The following ARID3A variants were observed in gnomAD, a reference collection of about 807,000 sequenced individuals.
ARID3A encodes the protein AT-rich interactive domain-containing protein 3A.
Under a neutral mutation model 52.7 loss-of-function variants are expected in ARID3A, and 11 were observed. The observed-to-expected ratio is 0.21, with a 90% CI of 0.13 to 0.35. The LOEUF is 0.35. ARID3A is among the 10% of genes least tolerant of loss of function. The probability of loss-of-function intolerance (pLI) is 1.00; values close to 1 mark genes in which losing one functional copy is unlikely to be tolerated. For missense variants in ARID3A, 721 were observed against 838.5 expected, an observed-to-expected ratio of 0.86 and a Z score of 1.73; for synonymous variants, 404 against 359.4, an observed-to-expected ratio of 1.12 and a Z score of -1.40.
intron 3 of ARID3A, among the ~76,000 whole-genome samples, chr19:958,442 AAAAG>A (rs1269014775): frequency 2.0e-5 from 3 of 151,572 alleles, no homozygotes; most frequent in South Asian, 2.1e-4. Context: ...AAAAAAAAAA[AAAAG>A]AAGAAAGAAA....
At chr19:966,889 C>CT (rs780813572) in intron 7 of ARID3A, 21 bp downstream of exon 7, 1 of 1,583,482 alleles carries the variant, frequency 6.3e-7, no homozygotes, top group Admixed American at 1.7e-5. Context: ...CGTGCCCAGA[C>CT]CCGCTGTGCT....
chr19:973,271 C>G lies in ARID3A; in HGVS notation c.*1206C>G, dbSNP rs1212014307. 5.7e-6 allele frequency: 1 copy of G among 176,432 alleles called. No individual in the cohort carries two copies. The highest frequency in any genetic ancestry group is 6.4e-5 in the Admixed American group (1 of 15,740). 10.9% of individuals were successfully genotyped at this position (176,432 alleles called of 1,614,324 possible). On this transcript the variant is annotated 3_prime_UTR_variant, in exon 9 of 9. Coordinates refer to ENST00000263620, the MANE Select transcript of ARID3A (RefSeq NM_005224.3). ...GGGATTACAGGCGCCCGCCACCACG[C>G]CCAGTTAATTTTTGTATTTTTAGTA...
At chr19:954,412 C>T (rs928674069) in intron 3 of ARID3A, among the ~76,000 whole-genome samples, 1 of 152,246 alleles carries the variant, frequency 6.6e-6, no homozygotes, top group African/African-American at 2.4e-5. Context: ...GAAAGACCCC[C>T]AGGCCTGCCC....
chr19:933,833 G>A (rs934436812), intron 3 of ARID3A, among the ~76,000 whole-genome samples: 3 of 149,140 alleles, frequency 2.0e-5, no homozygotes, highest in Non-Finnish European at 4.5e-5. Context: ...CCAGGGCAGC[G>A]GCGGGGACTC....
intron 8 of ARID3A, among the ~76,000 whole-genome samples, chr19:969,068 C>T (rs142384235): frequency 2.5e-4 from 38 of 150,850 alleles, no homozygotes; most frequent in African/African-American, 9.2e-4. Context: ...GGGCCACAGA[C>T]CGAGACCCTG....
Position 967,291 on chromosome 19 carries a change from G to A in ARID3A, c.1495+423G>A, listed in dbSNP as rs1034165247. On this transcript the variant is annotated intron_variant, in intron 7 of 8. Transcript: ENST00000263620. ...AAAAAATAATAAAGTAAACTGGCTG[G>A]GCACCGTGGCTCATGCCTATAATCC... Among the ~76,000 whole-genome samples, 4 of 152,224 alleles carry A rather than the reference G, an allele frequency of 2.6e-5. 1 individual carries two copies. Among genetic ancestry groups the A allele is most frequent in the East Asian group, 3.9e-4 (2 of 5,184 alleles).
intron 3 of ARID3A, among the ~76,000 whole-genome samples, chr19:955,559 G>A (rs1370515145): frequency 2.6e-5 from 4 of 152,292 alleles, no homozygotes; most frequent in Non-Finnish European, 4.4e-5. Flanking sequence ...GCTGCCTGGC[G>A]CCTCGGTTTC....
intron 3 of ARID3A, among the ~76,000 whole-genome samples, chr19:933,676 G>T (rs1237469008): frequency 6.6e-6 from 1 of 152,130 alleles, no homozygotes; most frequent in Non-Finnish European, 1.5e-5. Flanking sequence ...ACCCAGGGGG[G>T]CCTCCCCGGG....
chr19:945,438 A>G, intron 3 of ARID3A, among the ~76,000 whole-genome samples: 1 of 151,574 alleles, frequency 6.6e-6, no homozygotes, highest in East Asian at 2.0e-4. Context: ...GGAGGTGTCC[A>G]GGGCGGCCCC....
intron 3 of ARID3A, among the ~76,000 whole-genome samples, chr19:956,323 C>T (rs949909973): frequency 1.3e-5 from 2 of 152,162 alleles, no homozygotes; most frequent in Non-Finnish European, 2.9e-5. Context: ...GTTCAAGTAA[C>T]GAGCATTTAT....
chr19:962,865 G>A (rs1204995702), intron 4 of ARID3A, among the ~76,000 whole-genome samples: 2 of 152,130 alleles, frequency 1.3e-5, no homozygotes, highest in Non-Finnish European at 2.9e-5. Context: ...CTGGTGTCCC[G>A]AGTGGGGCCG....
intron 6 of ARID3A, 84 bp downstream of exon 6, chr19:965,164 C>G: frequency 1.4e-6 from 2 of 1,422,246 alleles, no homozygotes; most frequent in Non-Finnish European, 1.9e-6. Context: ...CTCTTCCCCT[C>G]TCTGGGTAAC....
At chr19:951,855 G>A (rs987998421) in intron 3 of ARID3A, among the ~76,000 whole-genome samples, 1 of 152,160 alleles carries the variant, frequency 6.6e-6, no homozygotes, top group African/African-American at 2.4e-5. Context: ...CATTTCTCAG[G>A]CTGGGCACAG....
Position 966,716 on chromosome 19 carries a change from A to G in ARID3A, c.1343A>G (p.Gln448Arg), listed in dbSNP as rs1282545796. The G allele has an allele frequency of 6.2e-7, 1 of 1,612,402 alleles. No homozygotes were observed. Among genetic ancestry groups the G allele is most frequent in the Admixed American group, 1.7e-5 (1 of 59,914 alleles). ...GCCGCACAGGCAGCTGCCCTGGAAC[A>G]GCTGCGGGAGAAGCTGGAGTCTGCA... ...AVAAQAAALE[Q>R]LREKLESAEP... Residue 448 changes from glutamine (Q) to arginine (R), a missense_variant, in exon 7 of 9, where the codon CAG (glutamine) becomes CGG (arginine). Physicochemically the swap from Gln to Arg is conservative, Grantham distance 43. Coordinates refer to ENST00000263620, the MANE Select transcript of ARID3A (RefSeq NM_005224.3).
chr19:935,295 T>C (rs1202914295), intron 3 of ARID3A, among the ~76,000 whole-genome samples: 2 of 151,900 alleles, frequency 1.3e-5, no homozygotes, highest in African/African-American at 4.9e-5. Flanking sequence ...GGCCACGGGT[T>C]CTTTCCTTGG....
rs375496194 is a variant in ARID3A, at chr19:929,824, C to G, written c.296C>G (p.Pro99Arg). The change falls in exon 2 of 9, where the codon CCG becomes CGG. Residue 99 changes from proline (P) to arginine (R), a missense_variant. Physicochemically the swap from Pro to Arg is moderately radical, Grantham distance 103. Transcript: ENST00000263620. This position sits in a 1 kb window ranked among gnomAD's most constrained non-coding sequence, Gnocchi z 6.2. ...GAGGACGCGGCCCGGGAGGGGACAC[C>G]GGGCTCACCCGGGCGAGGCAGAGAA... ...EEEDAAREGTPGSPGRGREGP... is the reference protein window; with the variant it reads ...EEEDAAREGTRGSPGRGREGP... The G allele has an allele frequency of 3.2e-6, 5 of 1,545,020 alleles. No individual in the cohort carries two copies. Among genetic ancestry groups the G allele is most frequent in the Non-Finnish European group, 4.4e-6 (5 of 1,147,512 alleles).
intron 2 of ARID3A, among the ~76,000 whole-genome samples, chr19:930,683 G>T (rs1175140816): frequency 1.3e-5 from 2 of 150,212 alleles, no homozygotes; most frequent in East Asian, 2.0e-4. Context: ...CTAACTTTTT[G>T]TATTTTTAGT....
Position 941,979 on chromosome 19 carries a change from G to T in ARID3A, c.693+9237G>T, listed in dbSNP as rs1277321840. ...GTGCTGGACCCTGAAGCATGAGGTC[G>T]CGGTGGGGCCTATTAACCATTAGAC... On this transcript the variant is annotated intron_variant, in intron 3 of 8. Coordinates refer to ENST00000263620, the MANE Select transcript of ARID3A (RefSeq NM_005224.3). The surrounding 1 kb of genome is among the most constrained non-coding windows in gnomAD (Gnocchi z 6.9). Among the ~76,000 whole-genome samples the T allele has an allele frequency of 6.6e-6, 1 of 152,170 alleles. No homozygotes were observed. Among genetic ancestry groups the T allele is most frequent in the East Asian group, 1.9e-4 (1 of 5,190 alleles).
intron 3 of ARID3A, among the ~76,000 whole-genome samples, chr19:953,394 T>G (rs912504868): frequency 2.7e-5 from 4 of 150,708 alleles, no homozygotes; most frequent in Non-Finnish European, 3.0e-5. Flanking sequence ...CGCCACCCTC[T>G]CTCCTCACAG....
Sources: allele counts gnomAD v4.1 joint callset (sites outside exome capture counted in the v4.1 genomes callset), GRCh38; gene constraint gnomAD v4.1.1; non-coding constraint Gnocchi (gnomAD v3.1); transcripts MANE v1.5; gene names NCBI Gene and HGNC (gene_info 2026-07-23, HGNC 2026-07-21).